ADGRV1: variants seen among roughly 807,000 people sequenced by gnomAD.
ADGRV1 encodes G-protein coupled receptor 98.
A neutral mutation model predicts 596.2 loss-of-function variants in ADGRV1; 359 were observed. The observed-to-expected ratio is 0.60, with a 90% CI of 0.55 to 0.66. The LOEUF (loss-of-function observed/expected upper bound fraction) is 0.66, where lower values mean the gene tolerates loss of function less well. Among genes scored for constraint, ADGRV1 ranks in the 30% least tolerant of loss-of-function variants. The pLI is 0.00. For missense variants in ADGRV1, 7,274 were observed against 7,575.6 expected (o/e 0.96, Z 1.48); for synonymous variants, 2,681 against 2,679.2 (o/e 1.00, Z -0.02).
chr5:91,132,169 A>G lies in ADGRV1; in HGVS notation c.18433-17861A>G, dbSNP rs1486102167. On this transcript the variant is annotated intron_variant, in intron 87 of 89. Transcript: ENST00000405460. Reference sequence around the variant, plus strand: ...TTGGCATGACAGATTCTTGACTCTCACTGGCTACCTAAATGATCATTTGTC... The same window carrying G: ...TTGGCATGACAGATTCTTGACTCTCGCTGGCTACCTAAATGATCATTTGTC... Among the ~76,000 whole-genome samples, 8 of 152,270 alleles carry G rather than the reference A, an allele frequency of 5.3e-5. No homozygotes were observed. In the South Asian group the frequency reaches 1.7e-3, roughly 32 times the overall value.
At chr5:90,836,969 C>A (rs952704444) in intron 77 of ADGRV1, among the ~76,000 whole-genome samples, 1 of 152,176 alleles carries the variant, frequency 6.6e-6, no homozygotes, top group Non-Finnish European at 1.5e-5. Flanking sequence ...AATTATGGAT[C>A]AAGTTGTTAT....
chr5:90,689,774 G>C, intron 29 of ADGRV1, 87 bp from the exon 30 acceptor site: 1 of 861,124 alleles, frequency 1.2e-6, no homozygotes, highest in Non-Finnish European at 1.8e-6. Context: ...GATCCATAAA[G>C]TTTGTTACCT....
chr5:90,641,258 G>A (rs1244389115), intron 11 of ADGRV1, among the ~76,000 whole-genome samples: 1 of 152,142 alleles, frequency 6.6e-6, no homozygotes, highest in Non-Finnish European at 1.5e-5. Context: ...TTGTTTAACA[G>A]AGAATTAGCA....
chr5:90,978,538 C>A (rs1297665567), intron 84 of ADGRV1, among the ~76,000 whole-genome samples: 1 of 151,698 alleles, frequency 6.6e-6, no homozygotes, highest in Non-Finnish European at 1.5e-5. Flanking sequence ...TTGTGCTCAA[C>A]AAAAATTTAC....
intron 64 of ADGRV1, chr5:90,779,430 G>A: frequency 6.1e-6 from 1 of 163,366 alleles, no homozygotes. Context: ...AGGTCAGCTG[G>A]TGTGGCTGAA....
intron 42 of ADGRV1, among the ~76,000 whole-genome samples, chr5:90,714,928 TA>T (rs1305433353): frequency 2.0e-5 from 3 of 152,184 alleles, no homozygotes; most frequent in Admixed American, 6.5e-5. Flanking sequence ...ACCTATTCCT[TA>T]AAAAAGTCTC....
At chr5:90,642,066 A>G (rs1300235777) in intron 11 of ADGRV1, among the ~76,000 whole-genome samples, 1 of 152,216 alleles carries the variant, frequency 6.6e-6, no homozygotes, top group Non-Finnish European at 1.5e-5. Context: ...TAAGGAGAAT[A>G]GAAGGCATTT....
chr5:90,847,973 C>A (rs1216043171), intron 78 of ADGRV1, among the ~76,000 whole-genome samples: 1 of 152,190 alleles, frequency 6.6e-6, no homozygotes, highest in Non-Finnish European at 1.5e-5. Flanking sequence ...CGAGGAGGCA[C>A]CGAGAGTGAG....
At chr5:90,563,630 G>A (rs927917876) in intron 1 of ADGRV1, among the ~76,000 whole-genome samples, 10 of 152,190 alleles carry the variant, frequency 6.6e-5, no homozygotes, top group African/African-American at 2.4e-4. Flanking sequence ...TACATGCTGG[G>A]ATTAATTCAG....
chr5:90,656,712 C>T (rs1769454682), intron 20 of ADGRV1, among the ~76,000 whole-genome samples: 1 of 152,170 alleles, frequency 6.6e-6, no homozygotes, highest in African/African-American at 2.4e-5. Context: ...AAACAGCCTC[C>T]ACTGAGGTTA....
intron 1 of ADGRV1, among the ~76,000 whole-genome samples, chr5:90,568,267 T>G (rs1387118888): frequency 6.6e-6 from 1 of 152,100 alleles, no homozygotes; most frequent in Non-Finnish European, 1.5e-5. Context: ...TAAATTCTCT[T>G]CCAAGCATTG....
intron 1 of ADGRV1, among the ~76,000 whole-genome samples, chr5:90,596,195 G>C (rs1037758687): frequency 2.0e-5 from 3 of 148,164 alleles, no homozygotes; most frequent in Non-Finnish European, 4.5e-5. Flanking sequence ...GACGATGGGC[G>C]GCCGGGCAGA....
At chr5:90,732,628 C>G (rs982005403) in intron 50 of ADGRV1, among the ~76,000 whole-genome samples, 3 of 152,110 alleles carry the variant, frequency 2.0e-5, no homozygotes, top group African/African-American at 7.2e-5. Context: ...CGCCCTGGCC[C>G]CTGGCAAGCA....
intron 85 of ADGRV1, among the ~76,000 whole-genome samples, chr5:91,048,716 G>A (rs1313342682): frequency 4.6e-5 from 7 of 151,996 alleles, no homozygotes; most frequent in Admixed American, 3.3e-4. Context: ...TCTCAGCCAC[G>A]TAGTTTCACA....
Position 90,974,132 on chromosome 5 carries a change from C to T in ADGRV1, c.17973+8601C>T, listed in dbSNP as rs566105895. On this transcript the variant is annotated intron_variant, in intron 84 of 89. Coordinates refer to ENST00000405460, the MANE Select transcript of ADGRV1 (RefSeq NM_032119.4). Reference sequence around the variant, plus strand: ...AAAGAGAATAAAATACCTAGGAATCCAACTTACAAGGGACGTGAAGGACCT... The same window carrying T: ...AAAGAGAATAAAATACCTAGGAATCTAACTTACAAGGGACGTGAAGGACCT... 9.4e-3 allele frequency among the ~76,000 whole-genome samples: 1,430 copies of T among 152,154 alleles called. 16 individuals are homozygous for T. The highest frequency in any genetic ancestry group is 0.033 in the African/African-American group (1,371 of 41,486).
Position 90,763,292 on chromosome 5 carries a change from TTTC to T in ADGRV1, c.12121-7_12121-5del, listed in dbSNP as rs750427541. 8 of 1,513,956 alleles carry T rather than the reference TTTC, an allele frequency of 5.3e-6. No individual in the cohort carries two copies. In the South Asian group the frequency reaches 1.1e-4, roughly 21 times the overall value. 93.8% of individuals were successfully genotyped at this position (1,513,956 alleles called of 1,614,324 possible). Reference sequence around the variant, plus strand: ...TTTTTTTTGTTTGGCCTTACTGAATTTTCTTCTTTCAGGTAATGATTGATGAAT... The same window carrying T: ...TTTTTTTTGTTTGGCCTTACTGAATTTTCTTTCAGGTAATGATTGATGAAT... On this transcript the variant is annotated splice_polypyrimidine_tract_variant and intron_variant, in intron 58 of 89. Coordinates refer to ENST00000405460, the MANE Select transcript of ADGRV1 (RefSeq NM_032119.4).
intron 21 of ADGRV1, among the ~76,000 whole-genome samples, chr5:90,668,383 T>G (rs912755552): frequency 6.6e-6 from 1 of 152,120 alleles, no homozygotes; most frequent in Non-Finnish European, 1.5e-5. Flanking sequence ...CCAGGTGCCG[T>G]CCGTCACCCC....
chr5:90,992,231 A>G (rs976959606), intron 85 of ADGRV1, among the ~76,000 whole-genome samples: 4 of 152,220 alleles, frequency 2.6e-5, no homozygotes, highest in African/African-American at 9.6e-5. Flanking sequence ...TTCTTATTCA[A>G]AGGCCTGTTA....
intron 87 of ADGRV1, among the ~76,000 whole-genome samples, chr5:91,120,532 A>G (rs1209150212): frequency 6.7e-6 from 1 of 149,642 alleles, no homozygotes; most frequent in Non-Finnish European, 1.5e-5. Flanking sequence ...TACACTGAAC[A>G]TTTTTTTTTT....
Sources: allele counts gnomAD v4.1 joint callset (sites outside exome capture counted in the v4.1 genomes callset), GRCh38; gene constraint gnomAD v4.1.1; transcripts MANE v1.5; gene names NCBI Gene and HGNC (gene_info 2026-07-23, HGNC 2026-07-21).